The following CNTN5 variants were observed in gnomAD, a reference collection of about 807,000 sequenced individuals.
CNTN5 encodes contactin-5.
CNTN5 carries 77 observed loss-of-function variants against 129.1 expected under a neutral mutation model. The observed-to-expected ratio is 0.60, with a 90% confidence interval of 0.50 to 0.72. The LOEUF (loss-of-function observed/expected upper bound fraction) is 0.72, where lower values mean the gene tolerates loss of function less well. Among genes scored for constraint, CNTN5 ranks in the 30% least tolerant of loss-of-function variants. CNTN5 has a pLI of 0.00. For synonymous variants in CNTN5, 509 were observed against 465.6 expected, an observed-to-expected ratio of 1.09 and a Z score of -1.20; for missense variants, 1,478 against 1,328.8, an observed-to-expected ratio of 1.11 and a Z score of -1.75.
At chr11:99,658,888 C>CAAAAAAAAA (rs10673721) in intron 3 of CNTN5, among the ~76,000 whole-genome samples, 2 of 119,192 alleles carry the variant, frequency 1.7e-5, no homozygotes, top group Non-Finnish European at 1.7e-5. Flanking sequence ...AACTCTGTCT[C>CAAAAAAAAA]AAAAAAAAAA....
At chr11:99,512,169 A>G (rs1338527302) in intron 2 of CNTN5, among the ~76,000 whole-genome samples, 1 of 152,170 alleles carries the variant, frequency 6.6e-6, no homozygotes, top group Non-Finnish European at 1.5e-5. Context: ...ATTCAAAGTA[A>G]GAGCCCTAGA....
At chr11:99,580,144 G>C (rs1222717744) in intron 3 of CNTN5, among the ~76,000 whole-genome samples, 1 of 152,116 alleles carries the variant, frequency 6.6e-6, no homozygotes, top group African/African-American at 2.4e-5. Flanking sequence ...ATTGATTTGG[G>C]TATGTTGAAC....
chr11:100,191,888 C>CCTAT (rs1319124682), intron 14 of CNTN5, among the ~76,000 whole-genome samples: 1 of 151,946 alleles, frequency 6.6e-6, no homozygotes, highest in African/African-American at 2.4e-5. Flanking sequence ...TGACAGAAAA[C>CCTAT]CTATCTTAGG....
intron 1 of CNTN5, among the ~76,000 whole-genome samples, chr11:99,299,184 C>T (rs139961911): frequency 8.2e-4 from 125 of 151,988 alleles, no homozygotes; most frequent in South Asian, 2.1e-4. Flanking sequence ...GTACAGCCAA[C>T]GGAAAACATA....
chr11:100,030,634 T>A (rs1284965282), intron 9 of CNTN5, among the ~76,000 whole-genome samples: 2 of 152,228 alleles, frequency 1.3e-5, no homozygotes, highest in African/African-American at 2.4e-5. Context: ...AGGGCTGATG[T>A]ACATGAATGT....
At chr11:99,217,445 G>C (rs549987961) in intron 1 of CNTN5, among the ~76,000 whole-genome samples, 20 of 152,186 alleles carry the variant, frequency 1.3e-4, no homozygotes, top group Non-Finnish European at 2.4e-4. Flanking sequence ...ACGAGCAAGG[G>C]TGTGGAGAAA....
intron 6 of CNTN5, among the ~76,000 whole-genome samples, chr11:99,882,563 T>A (rs2135864346): frequency 6.6e-6 from 1 of 152,272 alleles, no homozygotes; most frequent in African/African-American, 2.4e-5. Flanking sequence ...TTTTATTTTT[T>A]TAATTTAATT....
intron 7 of CNTN5, among the ~76,000 whole-genome samples, chr11:99,954,585 C>G (rs1195057549): frequency 6.6e-6 from 1 of 152,076 alleles, no homozygotes; most frequent in Non-Finnish European, 1.5e-5. Flanking sequence ...TTATAGTTCT[C>G]AGGTTACAAT....
chr11:99,683,621 G>A (rs1953656943), intron 3 of CNTN5, among the ~76,000 whole-genome samples: 2 of 151,646 alleles, frequency 1.3e-5, no homozygotes, highest in African/African-American at 4.8e-5. Flanking sequence ...TGGGTAATTT[G>A]CATTTTCATA....
At chr11:99,462,431 A>G (rs1223138497) in intron 2 of CNTN5, among the ~76,000 whole-genome samples, 1 of 143,644 alleles carries the variant, frequency 7.0e-6, no homozygotes. Context: ...GACTTCTTCA[A>G]TTGTTTAAGT....
chr11:99,636,999 T>G lies in CNTN5; in HGVS notation c.55+80730T>G, dbSNP rs191205064. On this transcript the variant is annotated intron_variant, in intron 3 of 24. Coordinates refer to ENST00000524871, the MANE Select transcript of CNTN5 (RefSeq NM_014361.4). ...CTGCACTCCAGCCTGGTGACAGAGC[T>G]AACTTTGTCTCAAAAAAAAAAAAAA... is the stretch of plus-strand genomic sequence containing the variant. 5.6e-4 allele frequency among the ~76,000 whole-genome samples: 4 copies of G among 7,144 alleles called. 2 individuals carry two copies. In the Middle Eastern group the frequency reaches 1, roughly 1,786 times the overall value. The allele number at this position is 7,144 out of a possible 152,430, so 4.7% of individuals were successfully genotyped here.
At chr11:99,371,677 CT>C (rs1287960525) in intron 2 of CNTN5, among the ~76,000 whole-genome samples, 1 of 152,108 alleles carries the variant, frequency 6.6e-6, no homozygotes, top group African/African-American at 2.4e-5. Context: ...CAGTGTCAGA[CT>C]TTTTCCAAAT....
intron 1 of CNTN5, among the ~76,000 whole-genome samples, chr11:99,022,095 AAAAAACTTTT>A (rs1786498611): frequency 6.6e-6 from 1 of 152,210 alleles, no homozygotes; most frequent in Admixed American, 6.5e-5. Context: ...GGTGAGAAGC[AAAAAACTTTT>A]AAACTGTTGT....
intron 1 of CNTN5, among the ~76,000 whole-genome samples, chr11:99,126,735 T>A (rs1302786215): frequency 1.3e-5 from 2 of 152,214 alleles, no homozygotes; most frequent in East Asian, 3.8e-4. Flanking sequence ...AAATTCTACA[T>A]TCCTGTCGGT....
chr11:99,166,897 C>G (rs7114889), intron 1 of CNTN5, among the ~76,000 whole-genome samples: 36,685 of 151,722 alleles, frequency 0.24, 4,569 homozygotes, highest in African/African-American at 0.27. Context: ...CCACACGAAA[C>G]AGCCTTAATG....
intron 13 of CNTN5, among the ~76,000 whole-genome samples, chr11:100,085,098 G>T (rs11826005): frequency 0.09 from 13,642 of 151,952 alleles, 1,264 homozygotes; most frequent in African/African-American, 0.24. Flanking sequence ...ATAATTTTGG[G>T]GAGAGAATGA....
chr11:99,697,250 A>C (rs142138910), intron 3 of CNTN5, among the ~76,000 whole-genome samples: 1 of 152,008 alleles, frequency 6.6e-6, no homozygotes, highest in African/African-American at 2.4e-5. Flanking sequence ...TGTGTTGTAC[A>C]TAGTGACTTT....
At position 100,101,715 on chromosome 11, in the gene CNTN5, T is replaced by C. The variant is rs116541058; in HGVS notation, c.1580+27421T>C. ...TATACTATACCCAATATGTAGTCTT[T>C]TATTGCTCACCCCACTCCCAGACTT... is the stretch of plus-strand genomic sequence containing the variant. On this transcript the variant is annotated intron_variant, in intron 13 of 24. Transcript: ENST00000524871. 2.1e-3 allele frequency among the ~76,000 whole-genome samples: 315 copies of C among 152,220 alleles called. 1 individual carries two copies. Among genetic ancestry groups the C allele is most frequent in the African/African-American group, 7.3e-3 (303 of 41,546 alleles).
intron 13 of CNTN5, among the ~76,000 whole-genome samples, chr11:100,116,023 G>A (rs1945830307): frequency 6.6e-6 from 1 of 151,988 alleles, no homozygotes; most frequent in Non-Finnish European, 1.5e-5. Flanking sequence ...TAATGCTTTT[G>A]GAGAAGAACC....
Sources: gnomAD v4.1 joint callset for allele counts (sites outside exome capture counted in the v4.1 genomes callset) on GRCh38, gnomAD v4.1.1 for gene constraint, MANE v1.5 for transcripts, NCBI Gene and HGNC (gene_info 2026-07-23, HGNC 2026-07-21) for gene names.